INTS6: variants seen among roughly 807,000 people sequenced by gnomAD.
The protein encoded by INTS6 is integrator complex subunit 6, also known as DEAD box protein.
A neutral mutation model predicts 104.9 loss-of-function variants in INTS6; 16 were observed. The observed-to-expected ratio is 0.15, with a 90% CI of 0.10 to 0.23. INTS6 has a LOEUF of 0.23. Ranked by LOEUF, INTS6 falls within the 10% of genes least tolerant of loss-of-function variation. The probability of loss-of-function intolerance (pLI) is 1.00; values close to 1 mark genes in which losing one functional copy is unlikely to be tolerated. For synonymous variants in INTS6, 324 were observed against 358.7 expected, an observed-to-expected ratio of 0.90 and a Z score of 1.09; for missense variants, 584 against 1,062.8, an observed-to-expected ratio of 0.55 and a Z score of 6.26.
intron 4 of INTS6, among the ~76,000 whole-genome samples, chr13:51,399,717 T>TGTGTGC (rs1162081770): frequency 1.7e-5 from 2 of 118,138 alleles, no homozygotes; most frequent in Non-Finnish European, 4.2e-5. Context: ...GGTGTGTGTG[T>TGTGTGC]GTGTGCGTGT....
At chr13:51,442,894 CCAAA>C (rs1336709721) in intron 3 of INTS6, 1 of 152,112 alleles carries the variant, frequency 6.6e-6, no homozygotes, top group African/African-American at 2.4e-5. Flanking sequence ...TTACTTTCTG[CCAAA>C]CAAAGGGAGG....
At chr13:51,359,531 G>C (rs1392278410), downstream of INTS6, among the ~76,000 whole-genome samples, 1 of 152,052 alleles carries the variant, frequency 6.6e-6, no homozygotes, top group African/African-American at 2.4e-5. Context: ...TTCAGTTGCA[G>C]TTTCAAAATA....
intron 4 of INTS6, among the ~76,000 whole-genome samples, chr13:51,398,729 TA>T (rs77125249): frequency 0.03 from 3,735 of 126,288 alleles, 60 homozygotes; most frequent in South Asian, 0.1. Flanking sequence ...ATAAGATGTT[TA>T]AAAAAAAAAA....
At chr13:51,339,883 A>G in the INTS6 span, 5 of 152,020 alleles carry the variant, frequency 3.3e-5, no homozygotes, top group East Asian at 7.8e-4. Flanking sequence ...GGGGCTTAAG[A>G]GTTTTGCAAA....
At position 51,395,039 on chromosome 13, in the gene INTS6, T is replaced by C. The variant is rs116926035; in HGVS notation, c.613+261A>G. ...ATCTTTGTAGATAAGAAAATTAGTTTAACAACTTCAAATAATAGCATTTTC... is the reference window on the plus strand; with the variant it reads ...ATCTTTGTAGATAAGAAAATTAGTTCAACAACTTCAAATAATAGCATTTTC... On this transcript the variant is annotated intron_variant, in intron 5 of 17. Coordinates refer to ENST00000311234, the MANE Select transcript of INTS6 (RefSeq NM_012141.3). Among the ~76,000 whole-genome samples, 496 of 152,334 alleles carry C rather than the reference T, an allele frequency of 3.3e-3. 2 individuals carry two copies. Among genetic ancestry groups the C allele is most frequent in the Non-Finnish European group, 5.2e-3 (357 of 68,024 alleles).
intron 10 of INTS6, among the ~76,000 whole-genome samples, chr13:51,379,948 GTAATTAGC>G: frequency 6.6e-6 from 1 of 152,144 alleles, no homozygotes; most frequent in East Asian, 1.9e-4. Flanking sequence ...CTACTTTTGA[GTAATTAGC>G]TGCTCAACCA....
At chr13:51,384,578 C>A (rs1048483088) in intron 7 of INTS6, 3 of 455,304 alleles carry the variant, frequency 6.6e-6, no homozygotes, top group African/African-American at 6.0e-5. Flanking sequence ...CCTGAATCTT[C>A]CACAGGTTCC....
In INTS6 at chr13:51,365,179, TTTTAAATGATTAC is replaced by T. The variant is rs1955661678; in HGVS notation, c.*560_*572del. ...TTAAAATTCCATTATCTTAGGATGT[TTTTAAATGATTAC>T]TTTAAATGTGATTATTTCCTAAACC... On this transcript the variant is annotated 3_prime_UTR_variant, in exon 18 of 18. Transcript: ENST00000311234. The T allele has an allele frequency of 6.6e-6, 1 of 152,552 alleles. No homozygotes were observed. The allele number at this position is 152,552 out of a possible 1,614,324, so 9.4% of individuals were successfully genotyped here.
chr13:51,374,914 TC>T, intron 13 of INTS6, 118 bp from the exon 14 acceptor site: 2 of 1,036,286 alleles, frequency 1.9e-6, no homozygotes, highest in Non-Finnish European at 2.7e-6. Flanking sequence ...ACCAACATAT[TC>T]TAAATTTGTT....
intron 3 of INTS6, chr13:51,438,199 A>G (rs1412577901): frequency 6.6e-6 from 1 of 152,200 alleles, no homozygotes; most frequent in Non-Finnish European, 1.5e-5. Context: ...AAAAGTTTCT[A>G]AGAATCCTTT....
intron 9 of INTS6, among the ~76,000 whole-genome samples, chr13:51,383,056 G>T (rs1333479014): frequency 1.3e-5 from 2 of 152,154 alleles, no homozygotes; most frequent in East Asian, 3.9e-4. Flanking sequence ...ACTCCAGCCT[G>T]GGTGACAGAG....
chr13:51,421,098 T>C, intron 4 of INTS6: 1 of 979,072 alleles, frequency 1.0e-6, no homozygotes, highest in Non-Finnish European at 1.2e-6. Flanking sequence ...AGAACTACAC[T>C]CTACTCTGCT....
chr13:51,386,127 A>G (rs1285686310), intron 7 of INTS6, among the ~76,000 whole-genome samples: 2 of 152,066 alleles, frequency 1.3e-5, no homozygotes, highest in African/African-American at 2.4e-5. Context: ...TTTCACTTCC[A>G]TATTTTTTTT....
At chr13:51,447,305 A>T (rs1333940076) in intron 3 of INTS6, 1 of 152,166 alleles carries the variant, frequency 6.6e-6, no homozygotes, top group Non-Finnish European at 1.5e-5. Flanking sequence ...TGTATTTCAC[A>T]CTACCTATTA....
At chr13:51,370,094 T>TTTC (rs145552934) in intron 15 of INTS6, among the ~76,000 whole-genome samples, 1,728 of 152,232 alleles carry the variant, frequency 0.011, 25 homozygotes, top group East Asian at 0.071. Context: ...TATACACTCA[T>TTTC]CACAAATCCC....
At chr13:51,382,715 T>A (rs908385709) in intron 9 of INTS6, among the ~76,000 whole-genome samples, 1 of 152,206 alleles carries the variant, frequency 6.6e-6, no homozygotes, top group Non-Finnish European at 1.5e-5. Context: ...AAAGCCTACA[T>A]TACCAATTCT....
Position 51,364,579 on chromosome 13 carries a change from C to T in INTS6, c.*1173G>A, listed in dbSNP as rs1955649868. 1 of 269,980 alleles carries T rather than the reference C, an allele frequency of 3.7e-6. No individual in the cohort carries two copies. The allele number at this position is 269,980 out of a possible 1,614,324, so 16.7% of individuals were successfully genotyped here. A position where few individuals can be genotyped will look rare whatever the true frequency, so the allele number is the denominator to read the frequency against. The stretch of plus-strand genomic sequence containing the variant: ...AGGCCATAAGATTGCTTCCTCAGTA[C>T]GGATACTCTAGGCCATGTTGAATTG... On this transcript the variant is annotated 3_prime_UTR_variant, in exon 18 of 18. Coordinates refer to ENST00000311234, the MANE Select transcript of INTS6 (RefSeq NM_012141.3).
chr13:51,409,802 A>G (rs1956649407), intron 4 of INTS6, among the ~76,000 whole-genome samples: 1 of 152,176 alleles, frequency 6.6e-6, no homozygotes, highest in Non-Finnish European at 1.5e-5. Flanking sequence ...AGGCAGACAG[A>G]TTTGGAAAGG....
chr13:51,448,766 T>G (rs1014741321), intron 3 of INTS6: 12 of 152,198 alleles, frequency 7.9e-5, no homozygotes, highest in Non-Finnish European at 1.6e-4. Flanking sequence ...ATCTTCCACC[T>G]AATCTTTTCT....
Sources: allele counts gnomAD v4.1 joint callset (sites outside exome capture counted in the v4.1 genomes callset), GRCh38; gene constraint gnomAD v4.1.1; transcripts MANE v1.5; gene names NCBI Gene and HGNC (gene_info 2026-07-23, HGNC 2026-07-21).